SVOP: variants seen among roughly 807,000 people sequenced by gnomAD.
The protein encoded by SVOP is synaptic vesicle 2-related protein.
A neutral mutation model predicts 69.1 loss-of-function variants in SVOP; 17 were observed. That is an observed-to-expected ratio of 0.25 (90% confidence interval 0.17 to 0.37). The LOEUF (loss-of-function observed/expected upper bound fraction) is 0.37, where lower values mean the gene tolerates loss of function less well. Among genes scored for constraint, SVOP ranks in the 10% least tolerant of loss-of-function variants. The probability of loss-of-function intolerance (pLI) is 1.00; values close to 1 mark genes in which losing one functional copy is unlikely to be tolerated. For missense variants in SVOP, 435 were observed against 597.5 expected (o/e 0.73, Z 2.84); for synonymous variants, 238 against 238.6 (o/e 1.00, Z 0.02).
intron 15 of SVOP, among the ~76,000 whole-genome samples, chr12:108,915,398 T>A (rs2039707602): frequency 6.6e-6 from 1 of 152,160 alleles, no homozygotes; most frequent in Admixed American, 6.5e-5. Context: ...TGTCTATGTG[T>A]ATTCAATGTC....
At chr12:108,947,921 T>G (rs1431957860) in intron 6 of SVOP, among the ~76,000 whole-genome samples, 1 of 152,000 alleles carries the variant, frequency 6.6e-6, no homozygotes, top group Non-Finnish European at 1.5e-5. Context: ...CATTTAGATC[T>G]CCTAGGATCC....
In SVOP at chr12:108,988,770, C is replaced by CTTTTTT. The variant is rs758822738; in HGVS notation, c.36-5015_36-5010dup. ...TCTTCCTTTCTTACTTCTTTTCTCT[C>CTTTTTT]TTTTTTTTTTTTTTTTTTTTGAGAC... is the stretch of plus-strand genomic sequence containing the variant. On this transcript the variant is annotated intron_variant, in intron 1 of 15. Coordinates refer to ENST00000610966, the MANE Select transcript of SVOP (RefSeq NM_018711.5). Among the ~76,000 whole-genome samples, 375 of 92,128 alleles carry CTTTTTT rather than the reference C, an allele frequency of 4.1e-3. 9 individuals carry two copies. The highest frequency in any genetic ancestry group is 0.032 in the East Asian group (90 of 2,772). The allele number at this position is 92,128 out of a possible 152,430, so 60.4% of individuals were successfully genotyped here. A position where few individuals can be genotyped will look rare whatever the true frequency, so the allele number is the denominator to read the frequency against.
At position 108,980,097 on chromosome 12, in the gene SVOP, G is replaced by T. The variant is rs926661004; in HGVS notation, c.197-1434C>A. 4.2e-3 allele frequency among the ~76,000 whole-genome samples: 639 copies of T among 152,190 alleles called. 8 individuals are homozygous for T. The highest frequency in any genetic ancestry group is 0.015 in the African/African-American group (602 of 41,482). On this transcript the variant is annotated intron_variant, in intron 2 of 15. Transcript: ENST00000610966. ...AGGCTCAGGGAGGAGGATGACTTGA[G>T]CCAGGAAGGTTTCAAGGTTGCAGTG... is the stretch of plus-strand genomic sequence containing the variant.
intron 11 of SVOP, among the ~76,000 whole-genome samples, chr12:108,925,487 C>T (rs1304511464): frequency 6.6e-6 from 1 of 152,208 alleles, no homozygotes; most frequent in East Asian, 1.9e-4. Flanking sequence ...TGGTCTATTT[C>T]CAACACGTCA....
intron 11 of SVOP, among the ~76,000 whole-genome samples, chr12:108,928,732 C>T (rs1028520187): frequency 2.6e-5 from 4 of 151,948 alleles, no homozygotes; most frequent in Non-Finnish European, 5.9e-5. Flanking sequence ...ACACTCGGCT[C>T]AGTTTTTGTA....
chr12:108,919,572 T>G, intron 13 of SVOP, 103 bp downstream of exon 13: 1 of 844,846 alleles, frequency 1.2e-6, no homozygotes, highest in African/African-American at 1.7e-5. Flanking sequence ...CACCTGGGCT[T>G]ACATTAACAC....
intron 1 of SVOP, among the ~76,000 whole-genome samples, chr12:108,985,659 A>G (rs2040162280): frequency 6.6e-6 from 1 of 152,312 alleles, no homozygotes; most frequent in East Asian, 1.9e-4. Context: ...TGACAGAGCA[A>G]GATCCTAGGA....
At chr12:108,994,487 T>C (rs1486023531) in intron 1 of SVOP, among the ~76,000 whole-genome samples, 1 of 152,156 alleles carries the variant, frequency 6.6e-6, no homozygotes, top group East Asian at 1.9e-4. Context: ...TGGTGAACTC[T>C]GTCAAAAAAT....
At chr12:108,975,927 C>G (rs2040104224) in intron 4 of SVOP, among the ~76,000 whole-genome samples, 1 of 152,084 alleles carries the variant, frequency 6.6e-6, no homozygotes, top group South Asian at 2.1e-4. Context: ...TCTTGAACTC[C>G]TGGCCTCAAG....
At chr12:109,018,413 C>A (rs961497445) in intron 1 of SVOP, among the ~76,000 whole-genome samples, 1 of 152,154 alleles carries the variant, frequency 6.6e-6, no homozygotes, top group Non-Finnish European at 1.5e-5. Flanking sequence ...TTTCCCCATT[C>A]CCCAACCATG....
intron 9 of SVOP, among the ~76,000 whole-genome samples, chr12:108,937,586 G>C (rs534724261): frequency 6.6e-6 from 1 of 152,204 alleles, no homozygotes; most frequent in African/African-American, 2.4e-5. Context: ...TGGAAACCTG[G>C]ACTTGGGAAG....
Position 108,918,048 on chromosome 12 carries a change from G to T in SVOP, c.1345C>A (p.Pro449Thr). 6.3e-7 allele frequency: 1 copy of T among 1,576,762 alleles called. No homozygotes were observed. Among genetic ancestry groups the T allele is most frequent in the Non-Finnish European group, 8.6e-7 (1 of 1,161,056 alleles). Residue 449 changes from proline (P) to threonine (T), a missense_variant, in exon 14 of 16, where the codon CCT becomes ACT. Transcript: ENST00000610966. ...CTCCCAGACACCCCTCCTACCTCAG[G>T]TGTGTAAACATATGCCGCTTGAAAG... ...GGFQAAYVYT[P>T]EVYPTATRAL...
intron 11 of SVOP, among the ~76,000 whole-genome samples, chr12:108,928,068 G>T (rs1181266254): frequency 6.6e-6 from 1 of 151,250 alleles, no homozygotes; most frequent in African/African-American, 2.4e-5. Context: ...ATCATGCCTG[G>T]CTACTTTTTG....
At chr12:108,965,655 T>C (rs1318263448) in intron 5 of SVOP, among the ~76,000 whole-genome samples, 1 of 152,056 alleles carries the variant, frequency 6.6e-6, no homozygotes, top group Non-Finnish European at 1.5e-5. Context: ...TCGGGGGCCA[T>C]ATTTGGCCTA....
At chr12:108,966,692 G>A (rs574245054) in intron 5 of SVOP, among the ~76,000 whole-genome samples, 124 of 152,226 alleles carry the variant, frequency 8.1e-4, no homozygotes, top group African/African-American at 2.5e-3. Context: ...TGGTCAGGCC[G>A]GTTTCATGTT....
chr12:108,994,089 T>G (rs1382875422), intron 1 of SVOP, among the ~76,000 whole-genome samples: 1 of 152,222 alleles, frequency 6.6e-6, no homozygotes, highest in Non-Finnish European at 1.5e-5. Flanking sequence ...GGAAGGTAAT[T>G]TGTGATAGCT....
At chr12:108,944,779 G>A (rs377078798) in intron 7 of SVOP, among the ~76,000 whole-genome samples, 10 of 152,130 alleles carry the variant, frequency 6.6e-5, no homozygotes, top group African/African-American at 2.2e-4. Flanking sequence ...GCCAGAGTTC[G>A]GTCTACTCAC....
intron 6 of SVOP, among the ~76,000 whole-genome samples, chr12:108,955,972 C>T (rs36184708): frequency 0.095 from 14,494 of 152,108 alleles, 873 homozygotes; most frequent in Middle Eastern, 0.16. Context: ...AAACCCAAGC[C>T]GTCTGGTTTC....
chr12:109,020,346 C>T (rs901756288), intron 1 of SVOP, among the ~76,000 whole-genome samples: 1 of 152,172 alleles, frequency 6.6e-6, no homozygotes, highest in African/African-American at 2.4e-5. Context: ...GCCCAACCCT[C>T]TCCTCTAGGA....
Sources: gnomAD v4.1 joint callset for allele counts (sites outside exome capture counted in the v4.1 genomes callset) on GRCh38, gnomAD v4.1.1 for gene constraint, MANE v1.5 for transcripts, NCBI Gene and HGNC (gene_info 2026-07-23, HGNC 2026-07-21) for gene names.